EEFSEC: variants seen among roughly 807,000 people sequenced by gnomAD.
EEFSEC encodes selenocysteine-specific elongation factor.
A neutral mutation model predicts 42.1 loss-of-function variants in EEFSEC; 43 were observed. That is an observed-to-expected ratio of 1.02 (90% CI 0.80 to 1.32). EEFSEC has a LOEUF of 1.32. Among genes scored for constraint, EEFSEC ranks in the 40% most tolerant of loss-of-function variants. The pLI is 0.00. For missense variants in EEFSEC, 745 were observed against 803.6 expected, an observed-to-expected ratio of 0.93 and a Z score of 0.88; for synonymous variants, 354 against 339.1, an observed-to-expected ratio of 1.04 and a Z score of -0.48.
At chr3:128,279,606 G>A (rs867224836) in intron 4 of EEFSEC, among the ~76,000 whole-genome samples, 1 of 152,192 alleles carries the variant, frequency 6.6e-6, no homozygotes, top group Non-Finnish European at 1.5e-5. Context: ...TGTGGGGGTC[G>A]TTTTCCCATG....
chr3:128,355,818 A>C (rs1028927924), intron 5 of EEFSEC, among the ~76,000 whole-genome samples: 1 of 152,266 alleles, frequency 6.6e-6, no homozygotes, highest in East Asian at 1.9e-4. Context: ...ACAAGTAAAC[A>C]GATAAGGTCA....
At chr3:128,330,324 G>A (rs2067112630) in intron 4 of EEFSEC, among the ~76,000 whole-genome samples, 1 of 152,168 alleles carries the variant, frequency 6.6e-6, no homozygotes, top group Non-Finnish European at 1.5e-5. Flanking sequence ...TAGAAAGCCA[G>A]ATCATTCCCT....
intron 3 of EEFSEC, among the ~76,000 whole-genome samples, chr3:128,264,414 A>G (rs2066330271): frequency 6.6e-6 from 1 of 152,168 alleles, no homozygotes; most frequent in Admixed American, 6.5e-5. Flanking sequence ...GAAAGAGCTG[A>G]GAGCATGGCA....
intron 6 of EEFSEC, 101 bp downstream of exon 6, chr3:128,358,474 T>A (rs1396928690): frequency 6.6e-7 from 1 of 1,516,444 alleles, no homozygotes; most frequent in East Asian, 2.3e-5. Context: ...AGGTTCCTAA[T>A]CCTGCCTTTG....
intron 4 of EEFSEC, among the ~76,000 whole-genome samples, chr3:128,339,808 G>T (rs528923740): frequency 6.6e-6 from 1 of 152,156 alleles, no homozygotes; most frequent in East Asian, 1.9e-4. Context: ...ACAGTTCTGC[G>T]TGGCTGAGGA....
chr3:128,240,566 G>A (rs2066059269), intron 1 of EEFSEC, among the ~76,000 whole-genome samples: 2 of 152,194 alleles, frequency 1.3e-5, no homozygotes, highest in African/African-American at 4.8e-5. Flanking sequence ...GACACTGCTG[G>A]TTAGTCCCAC....
At chr3:128,416,830 G>A in the EEFSEC span, among the ~76,000 whole-genome samples, 1 of 152,142 alleles carries the variant, frequency 6.6e-6, no homozygotes, top group Non-Finnish European at 1.5e-5. Context: ...GAGAAATGAA[G>A]AGATGGGTTC....
chr3:128,240,510 C>G (rs1393424617), intron 1 of EEFSEC, among the ~76,000 whole-genome samples: 1 of 152,184 alleles, frequency 6.6e-6, no homozygotes, highest in Non-Finnish European at 1.5e-5. Context: ...GTTTAAGCCC[C>G]TTCCATTTCC....
chr3:128,333,548 G>A (rs969012500), intron 4 of EEFSEC, among the ~76,000 whole-genome samples: 3 of 152,228 alleles, frequency 2.0e-5, no homozygotes, highest in South Asian at 2.1e-4. Context: ...TGTCTGTAAA[G>A]TGAGATCATC....
chr3:128,247,433 G>T (rs1222925845), intron 2 of EEFSEC, among the ~76,000 whole-genome samples: 1 of 152,146 alleles, frequency 6.6e-6, no homozygotes, highest in African/African-American at 2.4e-5. Flanking sequence ...CCATACTTTG[G>T]TGCAAGAGAG....
At chr3:128,381,907 C>G (rs1249039313) in intron 6 of EEFSEC, among the ~76,000 whole-genome samples, 2 of 152,164 alleles carry the variant, frequency 1.3e-5, no homozygotes, top group Non-Finnish European at 2.9e-5. Flanking sequence ...GCAGAAGGGC[C>G]TGTGGCTGGG....
At chr3:128,166,347 C>A (rs1409333508) in intron 1 of EEFSEC, among the ~76,000 whole-genome samples, 1 of 152,214 alleles carries the variant, frequency 6.6e-6, no homozygotes, top group Non-Finnish European at 1.5e-5. Context: ...TAGGAATGTT[C>A]TACAGTGGCA....
intron 1 of EEFSEC, among the ~76,000 whole-genome samples, chr3:128,161,277 G>A (rs2065184176): frequency 1.3e-5 from 2 of 152,144 alleles, no homozygotes; most frequent in East Asian, 1.9e-4. Context: ...AAAGACTTGG[G>A]TGGGTGTGAG....
intron 4 of EEFSEC, among the ~76,000 whole-genome samples, chr3:128,267,111 T>C (rs982592302): frequency 1.3e-5 from 2 of 151,920 alleles, no homozygotes; most frequent in Non-Finnish European, 2.9e-5. Context: ...GAATTGGGGG[T>C]ACCTGAGGTT....
chr3:128,270,352 AC>A (rs2066401172), intron 4 of EEFSEC, among the ~76,000 whole-genome samples: 1 of 150,798 alleles, frequency 6.6e-6, no homozygotes. Flanking sequence ...TGCGGACCCC[AC>A]TATGTGGACC....
chr3:128,420,161 G>A, the EEFSEC span, among the ~76,000 whole-genome samples: 1 of 152,212 alleles, frequency 6.6e-6, no homozygotes, highest in Non-Finnish European at 1.5e-5. Flanking sequence ...AGTCAGAGAG[G>A]CCCCGCGCAG....
At chr3:128,185,837 C>T (rs141015055) in intron 1 of EEFSEC, among the ~76,000 whole-genome samples, 1 of 152,312 alleles carries the variant, frequency 6.6e-6, no homozygotes, top group East Asian at 1.9e-4. Flanking sequence ...AGAATCCATT[C>T]ATTAGTTGAT....
At chr3:128,383,993 G>A (rs112329444) in intron 6 of EEFSEC, among the ~76,000 whole-genome samples, 110 of 152,354 alleles carry the variant, frequency 7.2e-4, no homozygotes, top group African/African-American at 2.6e-3. Flanking sequence ...GATTTAAAAG[G>A]TGAGTTAGTA....
intron 1 of EEFSEC, among the ~76,000 whole-genome samples, chr3:128,155,146 C>T (rs1025691313): frequency 7.2e-5 from 11 of 151,986 alleles, no homozygotes; most frequent in Admixed American, 3.3e-4. Flanking sequence ...GATGGAGTCT[C>T]GCTCTGTTAC....
Sources: allele counts gnomAD v4.1 joint callset (sites outside exome capture counted in the v4.1 genomes callset), GRCh38; gene constraint gnomAD v4.1.1; transcripts MANE v1.5; gene names NCBI Gene and HGNC (gene_info 2026-07-23, HGNC 2026-07-21).